Variants in NREP observed in about 807,000 individuals in gnomAD.
NREP encodes neuronal regeneration related protein.
Under a neutral mutation model 8.6 loss-of-function variants are expected in NREP, and 5 were observed. The ratio of observed to expected loss-of-function variants is 0.58; its 90% CI spans 0.30 to 1.22. The LOEUF (loss-of-function observed/expected upper bound fraction) is 1.22. NREP is among the 50% of genes most tolerant of loss of function. NREP has a pLI of 0.07. For missense variants in NREP, 86 were observed against 82.5 expected, an observed-to-expected ratio of 1.04 and a Z score of -0.17; for synonymous variants, 27 against 28.0, an observed-to-expected ratio of 0.96 and a Z score of 0.11.
intron 2 of NREP, among the ~76,000 whole-genome samples, chr5:111,938,089 C>A (rs1019637606): frequency 6.6e-6 from 1 of 152,002 alleles, no homozygotes; most frequent in African/African-American, 2.4e-5. Flanking sequence ...TGTGTCCATC[C>A]AGTCCTTCTA....
intron 2 of NREP, among the ~76,000 whole-genome samples, chr5:111,899,878 C>T (rs988284064): frequency 6.6e-6 from 1 of 152,174 alleles, no homozygotes; most frequent in Non-Finnish European, 1.5e-5. Flanking sequence ...GGGACTTCAA[C>T]ATCCCACTTT....
intron 2 of NREP, among the ~76,000 whole-genome samples, chr5:111,914,771 T>C (rs1243138006): frequency 6.6e-6 from 1 of 152,112 alleles, no homozygotes; most frequent in African/African-American, 2.4e-5. Context: ...AATGGAGTTT[T>C]TGGCCTCTCT....
chr5:111,924,539 G>A (rs1305902017), intron 2 of NREP, among the ~76,000 whole-genome samples: 1 of 152,118 alleles, frequency 6.6e-6, no homozygotes, highest in Non-Finnish European at 1.5e-5. Flanking sequence ...AAAGTATAGG[G>A]ATTAGGGACT....
upstream of NREP, chr5:111,757,644 G>A: frequency 4.1e-6 from 4 of 983,110 alleles, no homozygotes; most frequent in Non-Finnish European, 4.8e-6. Flanking sequence ...CCGCGCCCCG[G>A]GCGCCCCGCT....
intron 2 of NREP, among the ~76,000 whole-genome samples, chr5:111,883,195 G>C (rs1192676293): frequency 6.6e-6 from 1 of 152,182 alleles, no homozygotes; most frequent in East Asian, 1.9e-4. Flanking sequence ...TGATAAAACA[G>C]ACTTTAAACC....
intron 2 of NREP, among the ~76,000 whole-genome samples, chr5:111,844,273 T>C (rs1753103764): frequency 6.6e-6 from 1 of 152,112 alleles, no homozygotes; most frequent in Non-Finnish European, 1.5e-5. Context: ...ATTCTATATT[T>C]AGTTAACATT....
In NREP at chr5:111,935,038, A is replaced by G. The variant is rs555609736; in HGVS notation, c.135+40236T>C. On this transcript the variant is annotated intron_variant, in intron 2 of 3. Transcript: ENST00000395634. Reference sequence around the variant, plus strand: ...AAGGGCCATCAGGGAAAGAAATAGTACTTTTGTAGGATTAAAAGCTTTTAG... The same window carrying G: ...AAGGGCCATCAGGGAAAGAAATAGTGCTTTTGTAGGATTAAAAGCTTTTAG... 3.3e-5 allele frequency among the ~76,000 whole-genome samples: 5 copies of G among 152,222 alleles called. No individual in the cohort carries two copies. In the South Asian group the frequency reaches 8.3e-4, roughly 25 times the overall value.
intron 2 of NREP, among the ~76,000 whole-genome samples, chr5:111,970,852 A>G (rs1481393029): frequency 4.7e-5 from 7 of 149,338 alleles, no homozygotes; most frequent in African/African-American, 1.7e-4. Flanking sequence ...AAAAAAAAGA[A>G]AGAAGAAAAA....
At chr5:111,883,401 T>C (rs1754142050) in intron 2 of NREP, among the ~76,000 whole-genome samples, 2 of 152,198 alleles carry the variant, frequency 1.3e-5, no homozygotes, top group East Asian at 1.9e-4. Flanking sequence ...ACTGTCAACA[T>C]TAGACAGATC....
chr5:111,807,549 T>C (rs991207461), intron 2 of NREP, among the ~76,000 whole-genome samples: 1 of 152,116 alleles, frequency 6.6e-6, no homozygotes, highest in African/African-American at 2.4e-5. Context: ...GATAGCGGGT[T>C]TTAAAGACAA....
chr5:111,762,942 A>G (rs931766407), intron 2 of NREP, among the ~76,000 whole-genome samples: 1 of 152,230 alleles, frequency 6.6e-6, no homozygotes, highest in Non-Finnish European at 1.5e-5. Context: ...CCAGGGCTTT[A>G]TCCAAACCCA....
At chr5:111,914,929 C>T (rs6898959) in intron 2 of NREP, among the ~76,000 whole-genome samples, 80,488 of 151,926 alleles carry the variant, frequency 0.53, 22,694 homozygotes, top group Non-Finnish European at 0.64. Context: ...AAATCTTGCT[C>T]TTCTTTTTTA....
intron 2 of NREP, among the ~76,000 whole-genome samples, chr5:111,768,509 C>A (rs1180867532): frequency 6.6e-6 from 1 of 152,148 alleles, no homozygotes; most frequent in Non-Finnish European, 1.5e-5. Flanking sequence ...TCAACCCTTG[C>A]TCTCCTCTCT....
chr5:111,849,175 G>A (rs557234302), intron 2 of NREP, among the ~76,000 whole-genome samples: 1 of 152,220 alleles, frequency 6.6e-6, no homozygotes, highest in Admixed American at 6.5e-5. Flanking sequence ...AGTCCTAGAA[G>A]GACAGTGAAA....
intron 2 of NREP, among the ~76,000 whole-genome samples, chr5:111,793,569 C>A (rs1050338837): frequency 1.3e-5 from 2 of 152,152 alleles, no homozygotes; most frequent in East Asian, 3.9e-4. Flanking sequence ...ACTCAGTCTA[C>A]TGATTCAAAT....
chr5:111,753,634 G>A (rs936763790), intron 2 of NREP, among the ~76,000 whole-genome samples: 4 of 151,766 alleles, frequency 2.6e-5, no homozygotes, highest in Non-Finnish European at 5.9e-5. Context: ...CCTCTTTAGC[G>A]TTTTAAATTA....
chr5:111,769,835 C>A (rs1334947361), intron 2 of NREP, among the ~76,000 whole-genome samples: 1 of 152,188 alleles, frequency 6.6e-6, no homozygotes, highest in Non-Finnish European at 1.5e-5. Context: ...AAACCTACTT[C>A]CATGATCCCA....
At chr5:111,785,180 G>A (rs1259630810) in intron 2 of NREP, among the ~76,000 whole-genome samples, 1 of 152,126 alleles carries the variant, frequency 6.6e-6, no homozygotes, top group Non-Finnish European at 1.5e-5. Context: ...AGATTCTTTG[G>A]ACCACAAAAT....
At chr5:111,757,721 C>T (rs1750823541), upstream of NREP, 1 of 984,752 alleles carries the variant, frequency 1.0e-6, no homozygotes, top group Non-Finnish European at 1.2e-6. Flanking sequence ...AGCTCTGCGC[C>T]CCGGCCCCGC....
Sources: gnomAD v4.1 joint callset for allele counts (sites outside exome capture counted in the v4.1 genomes callset) on GRCh38, gnomAD v4.1.1 for gene constraint, MANE v1.5 for transcripts, NCBI Gene and HGNC (gene_info 2026-07-23, HGNC 2026-07-21) for gene names.